Variants in EFNA1 observed in about 807,000 individuals in gnomAD.
The protein encoded by EFNA1 is ephrin-A1.
A neutral mutation model predicts 23.2 loss-of-function variants in EFNA1; 8 were observed. That is an observed-to-expected ratio of 0.34 (90% CI 0.20 to 0.62). The LOEUF (loss-of-function observed/expected upper bound fraction) is 0.62, where lower values mean the gene tolerates loss of function less well. Ranked by LOEUF, EFNA1 falls within the 20% of genes least tolerant of loss-of-function variation. The pLI is 0.75. For missense variants in EFNA1, 217 were observed against 260.0 expected (o/e 0.83, Z 1.14); for synonymous variants, 89 against 98.6 (o/e 0.90, Z 0.58).
Position 155,133,942 on chromosome 1 carries a change from T to C in EFNA1, c.506-13T>C. 1 of 1,613,628 alleles carries C rather than the reference T, an allele frequency of 6.2e-7. No homozygotes were observed. The highest frequency in any genetic ancestry group is 8.5e-7 in the Non-Finnish European group (1 of 1,179,734). ...CCACTCACACTGGTGGCCTTTGCCC[T>C]CTCACCTTGCAGATGACCCAGAGGT... On this transcript the variant is annotated splice_polypyrimidine_tract_variant and intron_variant, in intron 4 of 4. Transcript: ENST00000368407.
chr1:155,130,010 C>T (rs1222909284), intron 1 of EFNA1: 1 of 152,286 alleles, frequency 6.6e-6, no homozygotes, highest in East Asian at 1.9e-4. Context: ...GAAATGGCTT[C>T]TATGTTTATC....
intron 1 of EFNA1, among the ~76,000 whole-genome samples, chr1:155,129,274 GT>G (rs1156720090): frequency 6.6e-6 from 1 of 152,146 alleles, no homozygotes; most frequent in Non-Finnish European, 1.5e-5. Context: ...CATGCCAGGT[GT>G]TGACTGGAGG....
intron 1 of EFNA1, among the ~76,000 whole-genome samples, chr1:155,129,119 T>TGCCA (rs907638679): frequency 3.9e-4 from 59 of 152,326 alleles, no homozygotes; most frequent in Admixed American, 9.1e-4. Flanking sequence ...AACAGCCAGC[T>TGCCA]GCCAACCCCA....
chr1:155,129,869 A>G (rs1015628253), intron 1 of EFNA1: 6 of 152,558 alleles, frequency 3.9e-5, no homozygotes, highest in African/African-American at 1.4e-4. Flanking sequence ...GGCTGTGCAC[A>G]TTTGACAAGG....
chr1:155,133,767 G>C lies in EFNA1; in HGVS notation c.492G>C (p.Lys164Asn), dbSNP rs1238889558. The change falls in exon 4 of 5, where the codon AAG (lysine) becomes AAC (asparagine). Residue 164 changes from lysine (K) to asparagine (N), a missense_variant. Coordinates refer to ENST00000368407, the MANE Select transcript of EFNA1 (RefSeq NM_004428.3). The stretch of plus-strand genomic sequence containing the variant: ...AGGCCCATGACAATCCACAGGAGAA[G>C]AGACTTGCAGCAGGTGGGTAGCTGG... ...SPQAHDNPQEKRLAADDPEVR... is the reference protein window; with the variant it reads ...SPQAHDNPQENRLAADDPEVR... 2 of 1,614,170 alleles carry C rather than the reference G, an allele frequency of 1.2e-6. No homozygotes were observed. Among genetic ancestry groups the C allele is most frequent in the Non-Finnish European group, 1.7e-6 (2 of 1,180,036 alleles).
rs1396417038 is a variant in EFNA1, at chr1:155,134,167, G to GA, written c.*102dup. ...CCACTTTCAGAGCCCCCAGCCCTGG[G>GA]AACCACTCCCACCACAGGCATAAGC... On this transcript the variant is annotated 3_prime_UTR_variant, in exon 5 of 5. Transcript: ENST00000368407. 8.6e-7 allele frequency: 1 copy of GA among 1,159,246 alleles called. No homozygotes were observed. Among genetic ancestry groups the GA allele is most frequent in the Non-Finnish European group, 1.3e-6 (1 of 798,654 alleles). The allele number at this position is 1,159,246 out of a possible 1,614,324, so 71.8% of individuals were successfully genotyped here.
chr1:155,127,944 C>A lies in EFNA1; in HGVS notation c.-34C>A, dbSNP rs1664135195. ...TGGGAACCCAGACCCATAGGAGACCCGCGTCCCCGCTCGGCCTGGCCAGGC... is the reference window on the plus strand; with the variant it reads ...TGGGAACCCAGACCCATAGGAGACCAGCGTCCCCGCTCGGCCTGGCCAGGC... On this transcript the variant is annotated 5_prime_UTR_variant, in exon 1 of 5. Transcript: ENST00000368407. This position sits in a 1 kb window ranked among gnomAD's most constrained non-coding sequence, Gnocchi z 4.4. 6.3e-7 allele frequency: 1 copy of A among 1,577,540 alleles called. No individual in the cohort carries two copies. Among genetic ancestry groups the A allele is most frequent in the Non-Finnish European group, 8.7e-7 (1 of 1,151,930 alleles).
intron 1 of EFNA1, chr1:155,130,476 A>AGGGGAGAG (rs1421208575): frequency 9.8e-4 from 881 of 900,690 alleles, no homozygotes; most frequent in Non-Finnish European, 1.1e-3. Flanking sequence ...AGGGGAGAGG[A>AGGGGAGAG]GGGGAGAGGG....
Position 155,131,497 on chromosome 1 carries a change from C to A in EFNA1, c.251C>A (p.Ser84Tyr). 6.2e-7 allele frequency: 1 copy of A among 1,613,550 alleles called. No individual in the cohort carries two copies. Among genetic ancestry groups the A allele is most frequent in the African/African-American group, 1.3e-5 (1 of 75,048 alleles). Residue 84 changes from serine (S) to tyrosine (Y), a missense_variant, in exon 2 of 5, where the codon TCC becomes TAC. Coordinates refer to ENST00000368407, the MANE Select transcript of EFNA1 (RefSeq NM_004428.3). The part of the protein sequence containing the change: ...HEEYQLCQPQ[S>Y]KDQVRWQCNR... ...GAGTACCAGCTGTGCCAGCCCCAGTCCAAGGACCAAGTCCGCTGGCAGTGC... is the reference window on the plus strand; with the variant it reads ...GAGTACCAGCTGTGCCAGCCCCAGTACAAGGACCAAGTCCGCTGGCAGTGC...
At chr1:155,131,805 CTGTT>C (rs1227455219) in intron 2 of EFNA1, among the ~76,000 whole-genome samples, 171 bp downstream of exon 2, 1 of 152,172 alleles carries the variant, frequency 6.6e-6, no homozygotes, top group African/African-American at 2.4e-5. Flanking sequence ...GCTGGGCACT[CTGTT>C]TAGCGCTATG....
chr1:155,132,478 C>G (rs1459112462), intron 2 of EFNA1, among the ~76,000 whole-genome samples: 1 of 151,616 alleles, frequency 6.6e-6, no homozygotes, highest in Non-Finnish European at 1.5e-5. Context: ...GAACTCCTGA[C>G]CTCAAGTGAT....
intron 3 of EFNA1, 44 bp from the exon 4 acceptor site, chr1:155,133,686 C>T (rs780167990): frequency 6.2e-7 from 1 of 1,611,930 alleles, no homozygotes; most frequent in Non-Finnish European, 8.5e-7. Flanking sequence ...AGCCCTCTGC[C>T]TCTTTGATAC....
chr1:155,130,988 A>C lies in EFNA1; in HGVS notation c.93-351A>C, dbSNP rs1286917810. 2.2e-5 allele frequency: 22 copies of C among 985,256 alleles called. No individual in the cohort carries two copies. The Admixed American group carries it at 6.8e-4, about 30-fold the overall frequency. 61.0% of individuals were successfully genotyped at this position (985,256 alleles called of 1,614,324 possible). On this transcript the variant is annotated intron_variant, in intron 1 of 4. Coordinates refer to ENST00000368407, the MANE Select transcript of EFNA1 (RefSeq NM_004428.3). ...CAACTGGTAGAACAGATTTGGGGAAATATTTATGGGTAGAAGAGAATGATA... is the reference window on the plus strand; with the variant it reads ...CAACTGGTAGAACAGATTTGGGGAACTATTTATGGGTAGAAGAGAATGATA...
chr1:155,129,346 A>C (rs1002765156), intron 1 of EFNA1, among the ~76,000 whole-genome samples: 4 of 152,056 alleles, frequency 2.6e-5, no homozygotes, highest in African/African-American at 7.2e-5. Context: ...TTCCGTTCCC[A>C]AGCTCCCAGG....
At chr1:155,128,281 C>T (rs1664143434) in intron 1 of EFNA1, among the ~76,000 whole-genome samples, 1 of 152,064 alleles carries the variant, frequency 6.6e-6, no homozygotes, top group Non-Finnish European at 1.5e-5. Context: ...TTATATCTGC[C>T]CTTCCCTTCC....
chr1:155,128,957 A>G (rs541654212), intron 1 of EFNA1, among the ~76,000 whole-genome samples: 36 of 152,230 alleles, frequency 2.4e-4, no homozygotes, highest in African/African-American at 8.7e-4. Context: ...GCTTGGTATC[A>G]CGAAAGCCAT....
chr1:155,129,112 A>G (rs1219347688), intron 1 of EFNA1, among the ~76,000 whole-genome samples: 1 of 152,176 alleles, frequency 6.6e-6, no homozygotes, highest in African/African-American at 2.4e-5. Context: ...GGGAGAGAAC[A>G]GCCAGCTGCC....
rs1450856797 is a variant in EFNA1 at position 155,131,526 on chromosome 1, C to T, written c.280C>T (p.Arg94Trp). 6.8e-6 allele frequency: 11 copies of T among 1,613,500 alleles called. No individual in the cohort carries two copies. The highest frequency in any genetic ancestry group is 2.2e-5 in the East Asian group (1 of 44,894). ...SKDQVRWQCN[R>W]PSAKHGPEKL... ...GGACCAAGTCCGCTGGCAGTGCAAC[C>T]GGCCCAGTGCCAAGCATGGCCCGGA... The change falls in exon 2 of 5, where the codon CGG becomes TGG. Residue 94 changes from arginine to tryptophan, a missense_variant. By Grantham distance (101) the Arg-to-Trp change is moderately radical. Transcript: ENST00000368407.
In EFNA1 at chr1:155,133,979, A is replaced by G. The variant is rs917364523; in HGVS notation, c.530A>G (p.His177Arg). 1.9e-5 allele frequency: 31 copies of G among 1,613,984 alleles called. No homozygotes were observed. The highest frequency in any genetic ancestry group is 2.5e-5 in the Non-Finnish European group (29 of 1,180,010). Residue 177 changes from histidine to arginine, a missense_variant, in exon 5 of 5, where the codon CAT (histidine) becomes CGT (arginine). Coordinates refer to ENST00000368407, the MANE Select transcript of EFNA1 (RefSeq NM_004428.3). ...GATGACCCAGAGGTGCGGGTTCTAC[A>G]TAGCATCGGTCACAGTGCTGCCCCA... Reference protein sequence around the residue: ...AADDPEVRVLHSIGHSAAPRL... With the variant: ...AADDPEVRVLRSIGHSAAPRL...
Sources: gnomAD v4.1 joint callset for allele counts (sites outside exome capture counted in the v4.1 genomes callset) on GRCh38, gnomAD v4.1.1 for gene constraint, Gnocchi (gnomAD v3.1) non-coding constraint, MANE v1.5 for transcripts, NCBI Gene and HGNC (gene_info 2026-07-23, HGNC 2026-07-21) for gene names.